The following GPC5 variants were observed in gnomAD, a reference collection of about 807,000 sequenced individuals.
GPC5 encodes the protein glypican 5.
A neutral mutation model predicts 53.9 loss-of-function variants in GPC5; 47 were observed. The ratio of observed to expected loss-of-function variants is 0.87; its 90% CI spans 0.69 to 1.11. GPC5 has a LOEUF of 1.11. Ranked by LOEUF, GPC5 falls within the 50% of genes most tolerant of loss-of-function variation. The pLI, the probability that GPC5 is intolerant of heterozygous loss-of-function variation, is 0.00. For missense variants in GPC5, 748 were observed against 713.1 expected (o/e 1.05, Z -0.56); for synonymous variants, 286 against 263.3 (o/e 1.09, Z -0.84).
chr13:92,818,834 T>G (rs1355205817), intron 7 of GPC5, among the ~76,000 whole-genome samples: 2 of 151,924 alleles, frequency 1.3e-5, no homozygotes, highest in African/African-American at 2.4e-5. Context: ...AAGGAAAGAT[T>G]GATTTAAAAA....
intron 7 of GPC5, among the ~76,000 whole-genome samples, chr13:92,390,355 C>T (rs975775432): frequency 6.6e-5 from 10 of 151,970 alleles, no homozygotes; most frequent in Admixed American, 2.0e-4. Context: ...TTTGTGGGCA[C>T]GTTTTGTTTA....
At chr13:91,428,819 T>C (rs927649012) in intron 1 of GPC5, among the ~76,000 whole-genome samples, 5 of 152,208 alleles carry the variant, frequency 3.3e-5, no homozygotes, top group African/African-American at 9.7e-5. Context: ...GGGACATTTT[T>C]TGTATAGCAT....
intron 7 of GPC5, among the ~76,000 whole-genome samples, chr13:92,341,945 A>T (rs2043370276): frequency 1.3e-5 from 2 of 152,134 alleles, no homozygotes; most frequent in South Asian, 4.1e-4. Flanking sequence ...TGTTTCTGAG[A>T]AGAAATACTG....
chr13:92,138,280 G>A (rs547347331), intron 6 of GPC5, among the ~76,000 whole-genome samples: 1 of 152,162 alleles, frequency 6.6e-6, no homozygotes, highest in East Asian at 1.9e-4. Flanking sequence ...CAGCACTTTG[G>A]GATGCCAAGG....
intron 1 of GPC5, among the ~76,000 whole-genome samples, chr13:91,438,913 C>T (rs1408191154): frequency 6.6e-6 from 1 of 152,244 alleles, no homozygotes; most frequent in Non-Finnish European, 1.5e-5. Context: ...TCTCAGACTG[C>T]TGTGCTAACA....
At chr13:92,067,524 T>A (rs1452481661) in intron 6 of GPC5, among the ~76,000 whole-genome samples, 2 of 152,054 alleles carry the variant, frequency 1.3e-5, no homozygotes, top group Non-Finnish European at 2.9e-5. Context: ...CACTTTAACA[T>A]GACAGCTGGA....
At chr13:91,693,090 A>T in intron 2 of GPC5, 97 bp from the exon 3 acceptor site, 1 of 848,328 alleles carries the variant, frequency 1.2e-6, no homozygotes, top group Non-Finnish European at 1.8e-6. Flanking sequence ...TTAGATACTT[A>T]GATTAGTTTT....
chr13:91,788,327 G>A (rs1332504441), intron 5 of GPC5, among the ~76,000 whole-genome samples: 1 of 152,112 alleles, frequency 6.6e-6, no homozygotes, highest in Non-Finnish European at 1.5e-5. Flanking sequence ...CCACTCTCAT[G>A]ACCTAATCTA....
At chr13:91,497,386 A>G (rs990317997) in intron 2 of GPC5, among the ~76,000 whole-genome samples, 1 of 152,170 alleles carries the variant, frequency 6.6e-6, no homozygotes, top group Non-Finnish European at 1.5e-5. Flanking sequence ...CAACTTTGTT[A>G]ATTCCTGTAC....
At chr13:91,585,963 A>G (rs2032549313) in intron 2 of GPC5, among the ~76,000 whole-genome samples, 1 of 151,824 alleles carries the variant, frequency 6.6e-6, no homozygotes, top group African/African-American at 2.4e-5. Flanking sequence ...GATTATCAGA[A>G]CTTATTAACA....
At chr13:92,385,487 C>CATATATACATATATACATATAT in intron 7 of GPC5, among the ~76,000 whole-genome samples, 1 of 55,424 alleles carries the variant, frequency 1.8e-5, no homozygotes, top group South Asian at 4.5e-4. Flanking sequence ...TACATATATA[C>CATATATACATATATACATATAT]ACATATATAC....
intron 6 of GPC5, among the ~76,000 whole-genome samples, chr13:91,936,665 C>A (rs2039874325): frequency 6.6e-6 from 1 of 152,018 alleles, no homozygotes; most frequent in Non-Finnish European, 1.5e-5. Context: ...ATAGTCATGT[C>A]ATCATTCTAG....
At chr13:91,558,416 A>G (rs567652317) in intron 2 of GPC5, among the ~76,000 whole-genome samples, 4 of 152,054 alleles carry the variant, frequency 2.6e-5, no homozygotes, top group Non-Finnish European at 4.4e-5. Context: ...CAATCTACCC[A>G]TCATTTTGTG....
intron 7 of GPC5, among the ~76,000 whole-genome samples, chr13:92,189,333 A>T (rs974859082): frequency 3.3e-5 from 5 of 151,600 alleles, no homozygotes; most frequent in African/African-American, 1.2e-4. Flanking sequence ...ACCCAACTCT[A>T]GCCAACTCTA....
chr13:92,015,462 C>T (rs989554220), intron 6 of GPC5, among the ~76,000 whole-genome samples: 1 of 152,088 alleles, frequency 6.6e-6, no homozygotes, highest in Admixed American at 6.6e-5. Flanking sequence ...TCCCTCTTCT[C>T]CTACAAAAGG....
rs527280486 is a variant in GPC5 at position 92,467,239 on chromosome 13, G to A, written c.1561+322250G>A. ...TTTTCTTCGGAGCTTTTCAGACAGTGTTGGTGTCGTTTGAAGACGATTAAA... is the reference window on the plus strand; with the variant it reads ...TTTTCTTCGGAGCTTTTCAGACAGTATTGGTGTCGTTTGAAGACGATTAAA... On this transcript the variant is annotated intron_variant, in intron 7 of 7. Transcript: ENST00000377067. 5.9e-5 allele frequency among the ~76,000 whole-genome samples: 9 copies of A among 152,248 alleles called. 1 individual carries two copies. In the South Asian group the frequency reaches 1.9e-3, roughly 32 times the overall value.
chr13:92,756,776 G>C (rs1349060952), intron 7 of GPC5, among the ~76,000 whole-genome samples: 1 of 149,220 alleles, frequency 6.7e-6, no homozygotes, highest in African/African-American at 2.5e-5. Flanking sequence ...ACTTACAAGG[G>C]ATGTGAAGGA....
chr13:92,640,706 A>G (rs1885566942), intron 7 of GPC5, among the ~76,000 whole-genome samples: 1 of 152,146 alleles, frequency 6.6e-6, no homozygotes, highest in Non-Finnish European at 1.5e-5. Flanking sequence ...CAAGAAAACA[A>G]TGGGGACATG....
chr13:92,507,169 C>G (rs752349546), intron 7 of GPC5, among the ~76,000 whole-genome samples: 8 of 152,184 alleles, frequency 5.3e-5, no homozygotes, highest in Non-Finnish European at 8.8e-5. Context: ...TAATCATTCT[C>G]TACTCCCCAG....
Sources: gnomAD v4.1 joint callset for allele counts (sites outside exome capture counted in the v4.1 genomes callset) on GRCh38, gnomAD v4.1.1 for gene constraint, MANE v1.5 for transcripts, NCBI Gene and HGNC (gene_info 2026-07-23, HGNC 2026-07-21) for gene names.